Variants in ADGRL3 observed in about 807,000 individuals in gnomAD.
ADGRL3 encodes the protein adhesion G protein-coupled receptor L3.
In ADGRL3, 62 loss-of-function variants were observed where a neutral mutation model predicts 153.5. The observed-to-expected ratio is 0.40, with a 90% confidence interval of 0.33 to 0.50. ADGRL3 has a LOEUF of 0.50. ADGRL3 is among the 20% of genes least tolerant of loss of function. The pLI is 0.47. For synonymous variants in ADGRL3, 710 were observed against 672.5 expected (o/e 1.06, Z -0.86); for missense variants, 1,641 against 1,859.4 (o/e 0.88, Z 2.16).
intron 1 of ADGRL3, among the ~76,000 whole-genome samples, chr4:61,299,665 C>T (rs1055161801): frequency 3.9e-5 from 6 of 152,052 alleles, no homozygotes; most frequent in African/African-American, 1.4e-4. Context: ...AAAAATAAGA[C>T]GTTTATGTCA....
intron 21 of ADGRL3, among the ~76,000 whole-genome samples, chr4:62,007,425 C>CATAT (rs373551662): frequency 5.9e-4 from 59 of 99,390 alleles, no homozygotes; most frequent in South Asian, 3.8e-3. Context: ...TATATATACA[C>CATAT]ATATATATAT....
At chr4:61,472,091 G>A (rs973018634) in intron 2 of ADGRL3, among the ~76,000 whole-genome samples, 2 of 151,998 alleles carry the variant, frequency 1.3e-5, no homozygotes, top group African/African-American at 4.8e-5. Flanking sequence ...CTGCTATTGT[G>A]TTTAAAGGCA....
At chr4:61,958,003 C>T (rs937732057) in intron 17 of ADGRL3, among the ~76,000 whole-genome samples, 3 of 152,126 alleles carry the variant, frequency 2.0e-5, no homozygotes, top group Non-Finnish European at 4.4e-5. Flanking sequence ...TGCAGTTGTG[C>T]AAATTTAGAG....
At chr4:61,408,414 CT>C (rs113009999) in intron 2 of ADGRL3, among the ~76,000 whole-genome samples, 4,756 of 142,186 alleles carry the variant, frequency 0.033, 215 homozygotes, top group East Asian at 0.21. Context: ...AGCTGCTGTC[CT>C]TTTTTTTTTT....
Position 61,525,918 on chromosome 4 carries a change from G to A in ADGRL3, c.259+8400G>A, listed in dbSNP as rs549644913. Among the ~76,000 whole-genome samples, 210 of 152,218 alleles carry A rather than the reference G, an allele frequency of 1.4e-3. 1 individual carries two copies. The highest frequency in any genetic ancestry group is 2.1e-3 in the Non-Finnish European group (145 of 68,004). The stretch of plus-strand genomic sequence containing the variant: ...TTCTAAAAATGTGAATCTTTGTCAA[G>A]AGAAAAGCGATCATTAGTGATAAAA... On this transcript the variant is annotated intron_variant, in intron 4 of 26. Transcript: ENST00000683033.
Position 61,382,523 on chromosome 4 carries a change from A to G in ADGRL3, c.-239-601A>G, listed in dbSNP as rs139845414. 4.9e-3 allele frequency among the ~76,000 whole-genome samples: 746 copies of G among 151,938 alleles called. 11 individuals carry two copies. The highest frequency in any genetic ancestry group is 0.017 in the African/African-American group (718 of 41,540). ...AAAAAATTATGGTAATTTAAAGAAA[A>G]TAAAAACTCAAATGCCTCTATAAAT... On this transcript the variant is annotated intron_variant, in intron 1 of 26. Transcript: ENST00000683033.
At chr4:61,813,943 G>T in intron 9 of ADGRL3, 54 bp downstream of exon 9, 1 of 1,597,910 alleles carries the variant, frequency 6.3e-7, no homozygotes. Context: ...TTTGATGAAA[G>T]CAATGATGGT....
chr4:61,827,071 G>A (rs1330335165), intron 9 of ADGRL3, among the ~76,000 whole-genome samples: 1 of 152,190 alleles, frequency 6.6e-6, no homozygotes, highest in Non-Finnish European at 1.5e-5. Context: ...TTTAGAAACA[G>A]GCATATTCGA....
chr4:61,440,087 C>T (rs977908873), intron 2 of ADGRL3, among the ~76,000 whole-genome samples: 4 of 151,980 alleles, frequency 2.6e-5, no homozygotes, highest in Admixed American at 6.6e-5. Flanking sequence ...CTTACTCTGT[C>T]ACTCAGGCTG....
intron 6 of ADGRL3, among the ~76,000 whole-genome samples, chr4:61,712,134 G>C (rs6842211): frequency 0.71 from 108,546 of 151,978 alleles, 39,910 homozygotes; most frequent in East Asian, 0.94. Context: ...TGGCTCATGA[G>C]TATAATCCTA....
At chr4:61,550,969 G>A (rs1225968021) in intron 4 of ADGRL3, among the ~76,000 whole-genome samples, 3 of 152,060 alleles carry the variant, frequency 2.0e-5, no homozygotes, top group East Asian at 1.9e-4. Flanking sequence ...CACAGGGCCC[G>A]CCTTACTGTT....
intron 4 of ADGRL3, among the ~76,000 whole-genome samples, chr4:61,553,095 C>T (rs2098747805): frequency 6.6e-6 from 1 of 152,134 alleles, no homozygotes; most frequent in African/African-American, 2.4e-5. Context: ...CCTCCAGTCA[C>T]TTTTAGAAAT....
chr4:61,730,735 A>G (rs955957477), intron 7 of ADGRL3, 99 bp downstream of exon 7: 4 of 305,610 alleles, frequency 1.3e-5, no homozygotes, highest in Non-Finnish European at 2.5e-5. Context: ...ATTCTTATCT[A>G]TTTTATGAAA....
At chr4:61,600,943 T>C (rs997234764) in intron 5 of ADGRL3, among the ~76,000 whole-genome samples, 2 of 152,202 alleles carry the variant, frequency 1.3e-5, no homozygotes, top group Non-Finnish European at 2.9e-5. Context: ...GGGAAAATCC[T>C]TACAACATAT....
At chr4:61,239,318 A>G (rs909920699) in intron 1 of ADGRL3, among the ~76,000 whole-genome samples, 13 of 152,124 alleles carry the variant, frequency 8.5e-5, no homozygotes, top group Admixed American at 6.6e-5. Flanking sequence ...TATGTGGTTG[A>G]CTGCTTAATG....
At chr4:61,743,354 G>GAA (rs1225151677) in intron 8 of ADGRL3, among the ~76,000 whole-genome samples, 1 of 145,770 alleles carries the variant, frequency 6.9e-6, no homozygotes, top group African/African-American at 2.5e-5. Flanking sequence ...AAAGAAAAGA[G>GAA]AAAACAATTC....
intron 1 of ADGRL3, among the ~76,000 whole-genome samples, chr4:61,291,928 G>T (rs950252073): frequency 2.0e-5 from 3 of 147,468 alleles, no homozygotes; most frequent in Non-Finnish European, 4.5e-5. Context: ...ATTTTTACAG[G>T]CTGATGTATG....
chr4:61,994,599 C>T (rs1353588097), intron 19 of ADGRL3, among the ~76,000 whole-genome samples: 1 of 151,988 alleles, frequency 6.6e-6, no homozygotes, highest in Non-Finnish European at 1.5e-5. Context: ...TCATTGCCTC[C>T]ATTACTCAGA....
At position 61,797,706 on chromosome 4, in the gene ADGRL3, A is replaced by T. The variant is rs753065746; in HGVS notation, c.1400-16103A>T. On this transcript the variant is annotated intron_variant, in intron 8 of 26. Coordinates refer to ENST00000683033, the MANE Select transcript of ADGRL3 (RefSeq NM_001387552.1). Reference sequence around the variant, plus strand: ...CATGTTTGTTCCAAATAGTCACACTACTAGAGAAAAAAACCCAACAACATA... The same window carrying T: ...CATGTTTGTTCCAAATAGTCACACTTCTAGAGAAAAAAACCCAACAACATA... 5.7e-4 allele frequency among the ~76,000 whole-genome samples: 83 copies of T among 145,528 alleles called. No homozygotes were observed. The Middle Eastern group carries it at 0.011, about 19-fold the overall frequency.
Sources: allele counts gnomAD v4.1 joint callset (sites outside exome capture counted in the v4.1 genomes callset), GRCh38; gene constraint gnomAD v4.1.1; transcripts MANE v1.5; gene names NCBI Gene and HGNC (gene_info 2026-07-23, HGNC 2026-07-21).